Variants in EPHA6 observed in about 807,000 individuals in gnomAD.
EPHA6 encodes EPH receptor A6.
EPHA6 carries 50 observed loss-of-function variants against 112.0 expected under a neutral mutation model. The ratio of observed to expected loss-of-function variants is 0.45; its 90% CI spans 0.36 to 0.56. EPHA6 has a LOEUF of 0.56. Ranked by LOEUF, EPHA6 falls within the 20% of genes least tolerant of loss-of-function variation. The pLI is 0.00. For synonymous variants in EPHA6, 529 were observed against 490.7 expected, an observed-to-expected ratio of 1.08 and a Z score of -1.03; for missense variants, 1,280 against 1,417.4, an observed-to-expected ratio of 0.90 and a Z score of 1.56.
At chr3:96,920,600 T>G (rs1203187679) in intron 2 of EPHA6, among the ~76,000 whole-genome samples, 1 of 152,012 alleles carries the variant, frequency 6.6e-6, no homozygotes, top group Non-Finnish European at 1.5e-5. Flanking sequence ...TAGCTCTTTC[T>G]TTCATCACTT....
intron 14 of EPHA6, among the ~76,000 whole-genome samples, chr3:97,708,048 T>C (rs1047604804): frequency 6.6e-6 from 1 of 152,208 alleles, no homozygotes; most frequent in Non-Finnish European, 1.5e-5. Flanking sequence ...GGGGTACTGC[T>C]ATAAAGATAC....
intron 2 of EPHA6, among the ~76,000 whole-genome samples, chr3:96,913,215 A>ACACAC (rs2039319065): frequency 3.2e-5 from 4 of 123,118 alleles, no homozygotes; most frequent in African/African-American, 1.2e-4. Context: ...CACACACACC[A>ACACAC]CACACACGGG....
chr3:97,561,311 C>G (rs932138126), intron 11 of EPHA6, among the ~76,000 whole-genome samples: 2 of 151,950 alleles, frequency 1.3e-5, no homozygotes, highest in African/African-American at 2.4e-5. Flanking sequence ...CCTCTTGTGC[C>G]AAACAGCCCA....
chr3:97,026,506 C>CT (rs1243789297), intron 3 of EPHA6, among the ~76,000 whole-genome samples: 7 of 152,128 alleles, frequency 4.6e-5, no homozygotes, highest in Middle Eastern at 3.4e-3. Context: ...GTATTTTCGT[C>CT]TTTTTTTGTG....
At chr3:97,422,678 C>T (rs575447156) in intron 6 of EPHA6, among the ~76,000 whole-genome samples, 12 of 152,240 alleles carry the variant, frequency 7.9e-5, no homozygotes, top group African/African-American at 2.9e-4. Context: ...GAAGTTCAGC[C>T]ATAAAGCAAT....
chr3:97,737,215 T>C (rs1345695771), intron 16 of EPHA6, among the ~76,000 whole-genome samples: 1 of 152,030 alleles, frequency 6.6e-6, no homozygotes, highest in Non-Finnish European at 1.5e-5. Flanking sequence ...ATGAAAACAA[T>C]GGACAGCCAT....
intron 3 of EPHA6, among the ~76,000 whole-genome samples, chr3:97,004,388 TAATC>T: frequency 6.6e-6 from 1 of 152,216 alleles, no homozygotes; most frequent in African/African-American, 2.4e-5. Context: ...ATTTCTCTGA[TAATC>T]AATGCTGTTG....
At chr3:97,141,385 C>G (rs1112475) in intron 3 of EPHA6, among the ~76,000 whole-genome samples, 11,803 of 152,082 alleles carry the variant, frequency 0.078, 748 homozygotes, top group Admixed American at 0.21. Flanking sequence ...ATACGTTTTT[C>G]TCACCTGTGC....
At chr3:97,591,015 C>T (rs963020726) in intron 11 of EPHA6, among the ~76,000 whole-genome samples, 1 of 152,142 alleles carries the variant, frequency 6.6e-6, no homozygotes, top group African/African-American at 2.4e-5. Context: ...TGTAAGTTAC[C>T]TCGGAGTACT....
At chr3:97,404,077 G>A (rs527740720) in intron 5 of EPHA6, among the ~76,000 whole-genome samples, 1 of 152,176 alleles carries the variant, frequency 6.6e-6, no homozygotes, top group African/African-American at 2.4e-5. Context: ...TTATTGATGG[G>A]CATTTAGATT....
intron 7 of EPHA6, among the ~76,000 whole-genome samples, chr3:97,458,460 T>A (rs2090772721): frequency 6.6e-6 from 1 of 152,190 alleles, no homozygotes; most frequent in Non-Finnish European, 1.5e-5. Context: ...TAAATAACTT[T>A]GTCAACAAAT....
chr3:97,275,450 AG>A (rs971197116), intron 5 of EPHA6, among the ~76,000 whole-genome samples: 3 of 152,138 alleles, frequency 2.0e-5, no homozygotes, highest in Non-Finnish European at 4.4e-5. Flanking sequence ...GGGATAGTAA[AG>A]AAAGCATGTT....
At chr3:97,374,659 C>T (rs569694690) in intron 5 of EPHA6, among the ~76,000 whole-genome samples, 3 of 152,088 alleles carry the variant, frequency 2.0e-5, no homozygotes, top group South Asian at 4.1e-4. Context: ...TCCTGCCGCT[C>T]GCTCATCCTT....
chr3:97,083,797 A>G (rs2046799971), intron 3 of EPHA6, among the ~76,000 whole-genome samples: 2 of 151,874 alleles, frequency 1.3e-5, no homozygotes, highest in East Asian at 3.9e-4. Flanking sequence ...TAATCAGTGG[A>G]TCATTATTTG....
intron 1 of EPHA6, among the ~76,000 whole-genome samples, chr3:96,833,534 A>G (rs1329727805): frequency 6.6e-6 from 1 of 151,986 alleles, no homozygotes; most frequent in African/African-American, 2.4e-5. Context: ...ATAGCTAGGC[A>G]TTGTGGCTCC....
chr3:97,703,202 G>T (rs191450240), intron 14 of EPHA6, among the ~76,000 whole-genome samples: 3 of 152,102 alleles, frequency 2.0e-5, no homozygotes, highest in Non-Finnish European at 2.9e-5. Context: ...GCAAAACTGG[G>T]CCAAACGGTT....
At chr3:96,819,842 AAGAT>A (rs1184875938) in intron 1 of EPHA6, among the ~76,000 whole-genome samples, 30 of 152,170 alleles carry the variant, frequency 2.0e-4, no homozygotes, top group African/African-American at 7.2e-4. Flanking sequence ...TTTAAAAAGA[AAGAT>A]AAGGCATGTG....
chr3:96,900,161 A>C (rs1476625837), intron 2 of EPHA6, among the ~76,000 whole-genome samples: 1 of 152,148 alleles, frequency 6.6e-6, no homozygotes, highest in Admixed American at 6.6e-5. Context: ...TGATCTTTTT[A>C]TTGCTAATTT....
At chr3:97,718,242 T>C (rs1266709155) in intron 14 of EPHA6, among the ~76,000 whole-genome samples, 1 of 151,350 alleles carries the variant, frequency 6.6e-6, no homozygotes, top group Non-Finnish European at 1.5e-5. Context: ...AAAACAAGAA[T>C]ACTCTAGTAT....
Sources: allele counts gnomAD v4.1 joint callset (sites outside exome capture counted in the v4.1 genomes callset), GRCh38; gene constraint gnomAD v4.1.1; transcripts MANE v1.5; gene names NCBI Gene and HGNC (gene_info 2026-07-23, HGNC 2026-07-21).